Variants in GREB1L observed in about 807,000 individuals in gnomAD.
The protein encoded by GREB1L is GREB1-like protein.
GREB1L carries 17 observed loss-of-function variants against 200.8 expected under a neutral mutation model. The ratio of observed to expected loss-of-function variants is 0.08; its 90% CI spans 0.06 to 0.13. The LOEUF (loss-of-function observed/expected upper bound fraction) is 0.13, where lower values mean the gene tolerates loss of function less well. Ranked by LOEUF, GREB1L falls within the 10% of genes least tolerant of loss-of-function variation. The pLI is 1.00. For missense variants in GREB1L, 1,657 were observed against 2,367.7 expected, an observed-to-expected ratio of 0.70 and a Z score of 6.23; for synonymous variants, 789 against 893.0, an observed-to-expected ratio of 0.88 and a Z score of 2.08.
At chr18:21,314,350 G>A (rs1174055920) in intron 1 of GREB1L, among the ~76,000 whole-genome samples, 2 of 152,046 alleles carry the variant, frequency 1.3e-5, no homozygotes, top group Non-Finnish European at 2.9e-5. Context: ...TTGTGTGAAA[G>A]CGTGGAAACT....
intron 1 of GREB1L, among the ~76,000 whole-genome samples, chr18:21,360,105 A>C (rs2039560819): frequency 2.0e-5 from 3 of 152,216 alleles, no homozygotes. Flanking sequence ...AAAATTGTGA[A>C]TAATTCTTTC....
rs1199059706 is a variant in GREB1L, at chr18:21,429,129, T to TCCTTCCTTCCTTCCTC, written c.833-10377_833-10376insCCCTTCCTTCCTTCCT. ...ATTCTCCCTTCCTTCCTTCCTTCCT[T>TCCTTCCTTCCTTCCTC]CCTTCCTTCCTTCCTTCCTCCCTTC... On this transcript the variant is annotated intron_variant, in intron 7 of 32. Coordinates refer to ENST00000424526, the MANE Select transcript of GREB1L (RefSeq NM_001142966.3). Among the ~76,000 whole-genome samples, 51 of 130,880 alleles carry TCCTTCCTTCCTTCCTC rather than the reference T, an allele frequency of 3.9e-4. 1 individual carries two copies. Among genetic ancestry groups the TCCTTCCTTCCTTCCTC allele is most frequent in the African/African-American group, 1.6e-3 (50 of 30,484 alleles). 85.9% of individuals were successfully genotyped at this position (130,880 alleles called of 152,430 possible). A position where few individuals can be genotyped will look rare whatever the true frequency, so the allele number is the denominator to read the frequency against.
intron 2 of GREB1L, among the ~76,000 whole-genome samples, chr18:21,375,763 A>G (rs553849330): frequency 5.3e-5 from 8 of 152,270 alleles, no homozygotes; most frequent in Non-Finnish European, 8.8e-5. Flanking sequence ...AGCCTCAGTT[A>G]TCTTGAAAAT....
At chr18:21,306,639 A>G (rs2038706084) in intron 1 of GREB1L, among the ~76,000 whole-genome samples, 1 of 152,248 alleles carries the variant, frequency 6.6e-6, no homozygotes, top group Non-Finnish European at 1.5e-5. Flanking sequence ...CTCTCTTAAG[A>G]AAGAAAACAT....
intron 10 of GREB1L, among the ~76,000 whole-genome samples, chr18:21,442,399 G>A (rs2033947768): frequency 6.6e-6 from 1 of 152,140 alleles, no homozygotes; most frequent in Non-Finnish European, 1.5e-5. Context: ...TCCTTTACCT[G>A]GTTGCTTTAT....
At chr18:21,469,997 A>C (rs1244462315) in intron 15 of GREB1L, among the ~76,000 whole-genome samples, 1 of 152,194 alleles carries the variant, frequency 6.6e-6, no homozygotes, top group African/African-American at 2.4e-5. Flanking sequence ...AAATTTAAAA[A>C]ATCAAACCTG....
intron 25 of GREB1L, 69 bp from the exon 26 acceptor site, chr18:21,508,049 G>GGA (rs2037086508): frequency 7.1e-7 from 1 of 1,414,566 alleles, no homozygotes; most frequent in African/African-American, 1.4e-5. Flanking sequence ...ACAACCTGAA[G>GGA]GAGTGGCCTG....
chr18:21,491,452 G>A (rs1179840989), intron 19 of GREB1L, among the ~76,000 whole-genome samples: 4 of 152,160 alleles, frequency 2.6e-5, no homozygotes, highest in Non-Finnish European at 4.4e-5. Flanking sequence ...GCTCATGCCT[G>A]TAATCCCAGC....
At chr18:21,320,776 AG>A (rs2038939506) in intron 1 of GREB1L, among the ~76,000 whole-genome samples, 1 of 152,020 alleles carries the variant, frequency 6.6e-6, no homozygotes, top group Admixed American at 6.5e-5. Context: ...AAAAAAAAAA[AG>A]AAAAAACTAT....
Position 21,439,563 on chromosome 18 carries a change from C to T in GREB1L, c.875C>T (p.Ala292Val). Residue 292 changes from alanine to valine, a missense_variant, in exon 8 of 33, where the codon GCA becomes GTA. Transcript: ENST00000424526. ...GNSSHGGKGSASSSTPAHTGN... is the reference protein window; with the variant it reads ...GNSSHGGKGSVSSSTPAHTGN... ...AGTAGCCATGGAGGGAAGGGCAGTG[C>T]ATCCAGCTCCACTCCAGCCCACACA... 6.4e-7 allele frequency: 1 copy of T among 1,551,260 alleles called. No homozygotes were observed. The highest frequency in any genetic ancestry group is 8.7e-7 in the Non-Finnish European group (1 of 1,146,248).
chr18:21,316,567 T>G (rs753507941), intron 1 of GREB1L, among the ~76,000 whole-genome samples: 8 of 152,190 alleles, frequency 5.3e-5, no homozygotes, highest in Non-Finnish European at 1.2e-4. Context: ...CACATGCTTT[T>G]GTGCTCTTGG....
intron 17 of GREB1L, among the ~76,000 whole-genome samples, chr18:21,483,771 A>G (rs1295762294): frequency 1.3e-5 from 2 of 152,134 alleles, no homozygotes; most frequent in Admixed American, 6.6e-5. Context: ...GAGATCAGGA[A>G]TTCGACACCA....
chr18:21,368,366 C>T (rs1598702518), intron 2 of GREB1L, among the ~76,000 whole-genome samples: 1 of 151,852 alleles, frequency 6.6e-6, no homozygotes. Flanking sequence ...CTGACAAATA[C>T]GATTAGCAAT....
intron 2 of GREB1L, among the ~76,000 whole-genome samples, chr18:21,368,708 T>G (rs1221067589): frequency 1.3e-5 from 2 of 152,202 alleles, no homozygotes; most frequent in Non-Finnish European, 2.9e-5. Context: ...CAATTTGATT[T>G]GCGGTACTTT....
Position 21,440,262 on chromosome 18 carries a change from T to C in GREB1L, c.950-7T>C. On this transcript the variant is annotated splice_region_variant and splice_polypyrimidine_tract_variant and intron_variant, in intron 8 of 32. Coordinates refer to ENST00000424526, the MANE Select transcript of GREB1L (RefSeq NM_001142966.3). ...TCTCTTTTTTTTGTTTTTTTGTTTG[T>C]CTTCAGCTACCATGTTCATTTCTGG... 1 of 1,551,604 alleles carries C rather than the reference T, an allele frequency of 6.4e-7. No individual in the cohort carries two copies.
At chr18:21,502,898 TGA>T (rs1410120289) in intron 23 of GREB1L, among the ~76,000 whole-genome samples, 1 of 152,200 alleles carries the variant, frequency 6.6e-6, no homozygotes, top group Non-Finnish European at 1.5e-5. Context: ...CGGTGAGCTG[TGA>T]GAGTCTGCTA....
chr18:21,487,757 TTGGGAGGCCAAGGTGGGTGGATCACC>T (rs2036180841), intron 18 of GREB1L, among the ~76,000 whole-genome samples: 1 of 151,992 alleles, frequency 6.6e-6, no homozygotes, highest in South Asian at 2.1e-4. Flanking sequence ...TCCCACCACT[TTGGGAGGCCAAGGTGGGTGGATCACC>T]TGAGGTCAGG....
chr18:21,445,740 G>C (rs1366542625), intron 11 of GREB1L, among the ~76,000 whole-genome samples: 1 of 152,132 alleles, frequency 6.6e-6, no homozygotes, highest in Non-Finnish European at 1.5e-5. Context: ...CTTCGACATG[G>C]CCTTTTGAAA....
rs182735379 is a variant in GREB1L at position 21,506,010 on chromosome 18, G to C, written c.4368+61G>C. On this transcript the variant is annotated intron_variant, in intron 25 of 32. Transcript: ENST00000424526. ...CAGTATGGATTTTGTATGTAAGGGTGGGGGGTGGAGGGATGAAAAATAAGG... is the reference window on the plus strand; with the variant it reads ...CAGTATGGATTTTGTATGTAAGGGTCGGGGGTGGAGGGATGAAAAATAAGG... The C allele has an allele frequency of 2.1e-4, 303 of 1,453,916 alleles. 1 individual carries two copies. Among genetic ancestry groups the C allele is most frequent in the Middle Eastern group, 1.0e-3 (5 of 4,786 alleles). 90.1% of individuals were successfully genotyped at this position (1,453,916 alleles called of 1,614,324 possible). A position where few individuals can be genotyped will look rare whatever the true frequency, so the allele number is the denominator to read the frequency against.
Sources: allele counts gnomAD v4.1 joint callset (sites outside exome capture counted in the v4.1 genomes callset), GRCh38; gene constraint gnomAD v4.1.1; transcripts MANE v1.5; gene names NCBI Gene and HGNC (gene_info 2026-07-23, HGNC 2026-07-21).